The following SLC25A35 variants were observed in gnomAD, a reference collection of about 807,000 sequenced individuals.
SLC25A35 encodes the protein solute carrier family 25 member 35.
In SLC25A35, 32 loss-of-function variants were observed where a neutral mutation model predicts 30.5. That is an observed-to-expected ratio of 1.05 (90% CI 0.79 to 1.41). The LOEUF is 1.41. Among genes scored for constraint, SLC25A35 ranks in the 40% most tolerant of loss-of-function variants. SLC25A35 has a pLI of 0.00. For synonymous variants in SLC25A35, 142 were observed against 158.1 expected (o/e 0.90, Z 0.77); for missense variants, 369 against 388.0 (o/e 0.95, Z 0.41).
At chr17:8,290,040 G>A (rs115606081), downstream of SLC25A35, 112 of 1,595,658 alleles carry the variant, frequency 7.0e-5, no homozygotes, top group African/African-American at 1.4e-3. Context: ...TTCCCTGTGC[G>A]TAAACATAAG....
chr17:8,289,981 G>A (rs754831248), downstream of SLC25A35: 14 of 1,612,200 alleles, frequency 8.7e-6, no homozygotes, highest in East Asian at 8.9e-5. Context: ...TTGGGGACTC[G>A]GTTCTGTGAG....
Position 8,294,791 on chromosome 17 carries a change from C to T in SLC25A35, c.17G>A (p.Ser6Asn), listed in dbSNP as rs781663064. 1.3e-6 allele frequency: 2 copies of T among 1,586,468 alleles called. No individual in the cohort carries two copies. The highest frequency in any genetic ancestry group is 8.6e-7 in the Non-Finnish European group (1 of 1,163,392). ...ACAGGCCCCGCAGGCTGCCAGGCCA[C>T]TCATCAAGAAGTCCATGGTGGGATA... MDFLM[S>N]GLAACGACVF... is the part of the protein sequence containing the mutation. The change falls in exon 1 of 5, where the codon AGT becomes AAT. Residue 6 changes from serine to asparagine, a missense_variant. Ser to Asn is a conservative substitution (Grantham distance 46). Transcript: ENST00000577745.
At chr17:8,294,242 T>C (rs1186824028) in intron 1 of SLC25A35, among the ~76,000 whole-genome samples, 191 bp downstream of exon 1, 1 of 152,152 alleles carries the variant, frequency 6.6e-6, no homozygotes, top group Non-Finnish European at 1.5e-5. Flanking sequence ...AATCAATACA[T>C]TCAATCGTGT....
Position 8,295,237 on chromosome 17 carries a change from G to A in SLC25A35, c.-430C>T, listed in dbSNP as rs183031326. On this transcript the variant is annotated 5_prime_UTR_variant, in exon 1 of 5. Coordinates refer to ENST00000577745, the MANE Select transcript of SLC25A35 (RefSeq NM_001320870.2). ...GAGAAGAAAAGGATCCGGGAGAAGA[G>A]CCGGTGATTTCCTCGAGCCAGCAAC... 4.5e-3 allele frequency: 4,444 copies of A among 991,462 alleles called. 16 individuals carry two copies. The highest frequency in any genetic ancestry group is 5.1e-3 in the Non-Finnish European group (4,232 of 834,090). The allele number at this position is 991,462 out of a possible 1,614,324, so 61.4% of individuals were successfully genotyped here. A position where few individuals can be genotyped will look rare whatever the true frequency, so the allele number is the denominator to read the frequency against.
downstream of SLC25A35, chr17:8,289,179 G>C (rs1159585014): frequency 3.1e-6 from 5 of 1,602,954 alleles, no homozygotes; most frequent in Non-Finnish European, 4.3e-6. Context: ...CACGGGCCGG[G>C]AGCCAGGCCT....
downstream of SLC25A35, chr17:8,289,605 G>C (rs1409646277): frequency 6.2e-7 from 1 of 1,610,022 alleles, no homozygotes; most frequent in Non-Finnish European, 8.5e-7. Context: ...AGGAAGGAAC[G>C]GGCGGGTATC....
At chr17:8,290,736 C>T in intron 4 of SLC25A35, 58 bp from the exon 5 acceptor site, 1 of 1,601,992 alleles carries the variant, frequency 6.2e-7, no homozygotes, top group Non-Finnish European at 8.5e-7. Flanking sequence ...CAGAGCCCAC[C>T]AGGGGCAGCA....
At chr17:8,289,083 G>A (rs1990268304), downstream of SLC25A35, 1 of 1,612,928 alleles carries the variant, frequency 6.2e-7, no homozygotes, top group African/African-American at 1.3e-5. Context: ...GTGAGGGAAT[G>A]GCCCCCGGCT....
chr17:8,291,602 T>C (rs936367567), intron 2 of SLC25A35, 117 bp from the exon 3 acceptor site: 4 of 1,388,306 alleles, frequency 2.9e-6, no homozygotes, highest in Non-Finnish European at 3.9e-6. Flanking sequence ...ACCAGTTCAA[T>C]GTGGGCTTAG....
Position 8,294,730 on chromosome 17 carries a change from C to G in SLC25A35, c.78G>C (p.Arg26Ser). Residue 26 changes from arginine (R) to serine (S), a missense_variant, in exon 1 of 5, where the codon AGG becomes AGC. Coordinates refer to ENST00000577745, the MANE Select transcript of SLC25A35 (RefSeq NM_001320870.2). ...FTNPLEVVKT[R>S]MQLQGELQAP... ...CCTGCAGTTCTCCTTGCAACTGCAT[C>G]CTGGTCTTCACCACCTCCAGGGGAT... 2 of 1,614,092 alleles carry G rather than the reference C, an allele frequency of 1.2e-6. No homozygotes were observed. Among genetic ancestry groups the G allele is most frequent in the South Asian group, 1.1e-5 (1 of 91,066 alleles).
At chr17:8,289,679 A>G, downstream of SLC25A35, 1 of 1,607,300 alleles carries the variant, frequency 6.2e-7, no homozygotes, top group South Asian at 1.1e-5. Flanking sequence ...CACTGGTGGG[A>G]TCCTCCAAGG....
rs1019251427 is a variant in SLC25A35 at position 8,294,685 on chromosome 17, C to T, written c.123G>A (p.Arg41=). ...AGGCATGGAAGACATTTCGGTAGTG[C>T]CGCTGGTATGTGCCAGGGGCCTGCA... is the stretch of plus-strand genomic sequence containing the variant. ...GELQAPGTYQ[R]HYRNVFHAFI... is the part of the protein sequence containing the mutation. Residue 41 remains arginine (R), a synonymous_variant, in exon 1 of 5, where the codon CGG becomes CGA. Coordinates refer to ENST00000577745, the MANE Select transcript of SLC25A35 (RefSeq NM_001320870.2). The T allele has an allele frequency of 1.6e-5, 26 of 1,614,102 alleles. No individual in the cohort carries two copies. Among genetic ancestry groups the T allele is most frequent in the Non-Finnish European group, 2.2e-5 (26 of 1,180,054 alleles).
At chr17:8,288,630 C>T, downstream of SLC25A35, 2 of 842,580 alleles carry the variant, frequency 2.4e-6, no homozygotes, top group Non-Finnish European at 3.9e-6. Flanking sequence ...CGCCGATTGG[C>T]CAACGAGAGC....
At chr17:8,289,617 C>T (rs202136880), downstream of SLC25A35, 7 of 1,608,696 alleles carry the variant, frequency 4.4e-6, no homozygotes, top group East Asian at 2.2e-5. Context: ...GCGGGTATCT[C>T]ATGACTGGGT....
chr17:8,293,575 G>A (rs2151620899), intron 1 of SLC25A35, among the ~76,000 whole-genome samples: 1 of 146,986 alleles, frequency 6.8e-6, no homozygotes, highest in South Asian at 2.1e-4. Context: ...TTTTTGAGAC[G>A]GAGTCTCTCT....
Position 8,290,208 on chromosome 17 carries a change from G to A in SLC25A35, c.*297C>T. On this transcript the variant is annotated 3_prime_UTR_variant, in exon 5 of 5. Coordinates refer to ENST00000577745, the MANE Select transcript of SLC25A35 (RefSeq NM_001320870.2). ...TTAAAACTGTGCATGGGAGCAGGAG[G>A]GACTCAAGGGTGGCAGTGGTGAGTG... 1 of 1,426,434 alleles carries A rather than the reference G, an allele frequency of 7.0e-7. No individual in the cohort carries two copies. Among genetic ancestry groups the A allele is most frequent in the Non-Finnish European group, 9.1e-7 (1 of 1,095,576 alleles). 88.4% of individuals were successfully genotyped at this position (1,426,434 alleles called of 1,614,324 possible). A position where few individuals can be genotyped will look rare whatever the true frequency, so the allele number is the denominator to read the frequency against.
In SLC25A35 at chr17:8,291,456, G is replaced by C; in HGVS notation, c.471C>G (p.Gly157=). The C allele has an allele frequency of 2.5e-6, 4 of 1,614,144 alleles. No individual in the cohort carries two copies. Among genetic ancestry groups the C allele is most frequent in the Non-Finnish European group, 3.4e-6 (4 of 1,179,998 alleles). The change falls in exon 3 of 5, where the codon GGC becomes GGG. Residue 157 remains glycine (G), a synonymous_variant. Transcript: ENST00000577745. The stretch of plus-strand genomic sequence containing the variant: ...ATAACCCCACCAGACCATGTTTCTG[G>C]CCAATCTCGGTTAGCGCCTGAAACA... ...QGMFQALTEI[G]QKHGLVGLWR...
At position 8,290,391 on chromosome 17, in the gene SLC25A35, G is replaced by C. The variant is rs149570878; in HGVS notation, c.*114C>G. The C allele has an allele frequency of 2.3e-5, 34 of 1,464,528 alleles. No homozygotes were observed. In the East Asian group the frequency reaches 5.5e-4, roughly 24 times the overall value. 90.7% of individuals were successfully genotyped at this position (1,464,528 alleles called of 1,614,324 possible). The stretch of plus-strand genomic sequence containing the variant: ...CTGAGAACAGATGGGGAGTGGGGTT[G>C]GCTGTCCCCCATGGATGGATGAAAG... On this transcript the variant is annotated 3_prime_UTR_variant, in exon 5 of 5. Transcript: ENST00000577745.
intron 1 of SLC25A35, among the ~76,000 whole-genome samples, chr17:8,294,053 C>G (rs1276166025): frequency 1.3e-5 from 2 of 149,510 alleles, no homozygotes; most frequent in Non-Finnish European, 3.0e-5. Flanking sequence ...GTAGCTGGGA[C>G]TACAGGCGCC....
Sources: allele counts gnomAD v4.1 joint callset (sites outside exome capture counted in the v4.1 genomes callset), GRCh38; gene constraint gnomAD v4.1.1; transcripts MANE v1.5; gene names NCBI Gene and HGNC (gene_info 2026-07-23, HGNC 2026-07-21).